TMEM132B: variants seen among roughly 807,000 people sequenced by gnomAD.
TMEM132B encodes the protein transmembrane protein 132B.
TMEM132B carries 18 observed loss-of-function variants against 90.8 expected under a neutral mutation model. The ratio of observed to expected loss-of-function variants is 0.20; its 90% CI spans 0.14 to 0.29. The LOEUF is 0.29. Among genes scored for constraint, TMEM132B ranks in the 10% least tolerant of loss-of-function variants. The pLI is 1.00. For missense variants in TMEM132B, 1,096 were observed against 1,326.8 expected (o/e 0.83, Z 2.70); for synonymous variants, 504 against 523.3 (o/e 0.96, Z 0.50).
chr12:125,227,603 A>G (rs1283791995), intron 1 of TMEM132B, among the ~76,000 whole-genome samples: 4 of 152,162 alleles, frequency 2.6e-5, no homozygotes, highest in Non-Finnish European at 5.9e-5. Flanking sequence ...GAGATCTATT[A>G]GGATGGTTCC....
At chr12:125,203,959 G>A (rs1447678029) in intron 1 of TMEM132B, among the ~76,000 whole-genome samples, 1 of 152,238 alleles carries the variant, frequency 6.6e-6, no homozygotes, top group Non-Finnish European at 1.5e-5. Flanking sequence ...GGAATAAAAA[G>A]GGCTGAGAAG....
At chr12:125,633,921 A>G (rs1886422277) in intron 5 of TMEM132B, among the ~76,000 whole-genome samples, 1 of 152,120 alleles carries the variant, frequency 6.6e-6, no homozygotes, top group Admixed American at 6.5e-5. Flanking sequence ...TGCTGTAACC[A>G]TTCCCTAGCT....
At chr12:125,572,997 A>T (rs1432451625) in intron 4 of TMEM132B, among the ~76,000 whole-genome samples, 1 of 151,996 alleles carries the variant, frequency 6.6e-6, no homozygotes, top group South Asian at 2.1e-4. Flanking sequence ...TCCTTTTGAC[A>T]TTTTTTTTGA....
chr12:125,297,552 A>G (rs1213476036), intron 1 of TMEM132B, among the ~76,000 whole-genome samples: 1 of 152,228 alleles, frequency 6.6e-6, no homozygotes, highest in Non-Finnish European at 1.5e-5. Context: ...TTGAGCACCT[A>G]CGATGTGTCA....
chr12:125,279,918 A>G (rs892797715), intron 1 of TMEM132B, among the ~76,000 whole-genome samples: 7 of 152,218 alleles, frequency 4.6e-5, no homozygotes, highest in African/African-American at 1.7e-4. Flanking sequence ...CTTAAATTAC[A>G]CAATGTGCCA....
chr12:125,286,927 T>C (rs2136139900), intron 1 of TMEM132B, among the ~76,000 whole-genome samples: 1 of 152,156 alleles, frequency 6.6e-6, no homozygotes, highest in Non-Finnish European at 1.5e-5. Flanking sequence ...GGACTCGCAC[T>C]CCTGACCTCA....
chr12:125,644,190 T>A lies in TMEM132B; in HGVS notation c.1552T>A (p.Trp518Arg), dbSNP rs1355871615. 2 of 1,614,232 alleles carry A rather than the reference T, an allele frequency of 1.2e-6. No individual in the cohort carries two copies. Among genetic ancestry groups the A allele is most frequent in the Admixed American group, 3.3e-5 (2 of 60,032 alleles). The change falls in exon 6 of 9, where the codon TGG (tryptophan) becomes AGG (arginine). Residue 518 changes from tryptophan (W) to arginine (R), a missense_variant. Trp to Arg is a moderately radical substitution (Grantham distance 101). Coordinates refer to ENST00000682704, the MANE Select transcript of TMEM132B (RefSeq NM_001366854.1). ...CACCTCCCAGTTCGAGGTCACTGTC[T>A]GGGCACCCAGGCTCCCCCTGCAGAT... ...HFTSQFEVTV[W>R]APRLPLQIEI...
chr12:125,595,426 G>A (rs1885417358), intron 5 of TMEM132B, among the ~76,000 whole-genome samples: 1 of 152,260 alleles, frequency 6.6e-6, no homozygotes, highest in East Asian at 1.9e-4. Flanking sequence ...GGGGAAATTT[G>A]CTTTTCAAAA....
chr12:125,608,988 A>C (rs1885762174), intron 5 of TMEM132B, among the ~76,000 whole-genome samples: 1 of 152,222 alleles, frequency 6.6e-6, no homozygotes, highest in African/African-American at 2.4e-5. Context: ...GGCCTCAGGC[A>C]ACTTACAATC....
At chr12:125,322,279 T>C (rs958542936) in intron 1 of TMEM132B, among the ~76,000 whole-genome samples, 9 of 152,232 alleles carry the variant, frequency 5.9e-5, no homozygotes, top group African/African-American at 2.2e-4. Context: ...CCTGCCGCCA[T>C]GTAAGATGTG....
At chr12:125,505,193 A>AAAAAAAAAAAAAAAC (rs1566056628) in intron 3 of TMEM132B, among the ~76,000 whole-genome samples, 4 of 145,332 alleles carry the variant, frequency 2.8e-5, no homozygotes, top group African/African-American at 1.1e-4. Context: ...AAAAAAAAAA[A>AAAAAAAAAAAAAAAC]AACAGTAAGT....
Position 125,191,294 on chromosome 12 carries a change from A to G in TMEM132B, c.67+4428A>G, listed in dbSNP as rs145745223. Among the ~76,000 whole-genome samples the G allele has an allele frequency of 1.7e-3, 260 of 152,158 alleles. 2 individuals are homozygous for G. Among genetic ancestry groups the G allele is most frequent in the African/African-American group, 6.0e-3 (248 of 41,468 alleles). On this transcript the variant is annotated intron_variant, in intron 1 of 8. Transcript: ENST00000682704. The stretch of plus-strand genomic sequence containing the variant: ...AAGCAGGTGCTTCTTCCTGTGCTGC[A>G]GGCACCATCCAGGCCTTTCCCTGCA...
intron 3 of TMEM132B, among the ~76,000 whole-genome samples, chr12:125,424,901 G>A (rs1170635437): frequency 1.3e-5 from 2 of 152,182 alleles, no homozygotes; most frequent in African/African-American, 4.8e-5. Context: ...AGAGGAGACA[G>A]CAAGGGTAGG....
chr12:125,203,785 T>C (rs1399526191), intron 1 of TMEM132B, among the ~76,000 whole-genome samples: 2 of 152,250 alleles, frequency 1.3e-5, no homozygotes, highest in African/African-American at 2.4e-5. Context: ...TTGGCAGACA[T>C]GGATGGAGTA....
At chr12:125,624,672 T>C (rs1886186525) in intron 5 of TMEM132B, among the ~76,000 whole-genome samples, 1 of 152,154 alleles carries the variant, frequency 6.6e-6, no homozygotes, top group Admixed American at 6.5e-5. Flanking sequence ...GACTGAAAAA[T>C]TGCTACTCAA....
intron 2 of TMEM132B, among the ~76,000 whole-genome samples, chr12:125,399,101 C>G (rs986549508): frequency 6.6e-6 from 1 of 152,152 alleles, no homozygotes; most frequent in African/African-American, 2.4e-5. Context: ...TCAAAGCCAC[C>G]CAAGAAGATA....
chr12:125,343,628 C>G (rs1356649855), intron 1 of TMEM132B, among the ~76,000 whole-genome samples: 1 of 152,166 alleles, frequency 6.6e-6, no homozygotes, highest in Non-Finnish European at 1.5e-5. Context: ...TTCTCTGTGC[C>G]TCAGTTTCAT....
At chr12:125,230,012 C>T (rs1041768139) in intron 1 of TMEM132B, among the ~76,000 whole-genome samples, 1 of 152,176 alleles carries the variant, frequency 6.6e-6, no homozygotes, top group Non-Finnish European at 1.5e-5. Context: ...GCTGGGGTGG[C>T]ACCAATCTCC....
intron 5 of TMEM132B, among the ~76,000 whole-genome samples, chr12:125,607,026 A>G (rs1283040383): frequency 6.6e-6 from 1 of 152,132 alleles, no homozygotes; most frequent in Non-Finnish European, 1.5e-5. Context: ...GTAGTCTTGG[A>G]CACCCGGGAG....
Sources: allele counts gnomAD v4.1 joint callset (sites outside exome capture counted in the v4.1 genomes callset), GRCh38; gene constraint gnomAD v4.1.1; transcripts MANE v1.5; gene names NCBI Gene and HGNC (gene_info 2026-07-23, HGNC 2026-07-21).